CNNM3: variants seen among roughly 807,000 people sequenced by gnomAD.
The protein encoded by CNNM3 is cyclin and CBS domain divalent metal cation transport mediator 3.
In CNNM3, 47 loss-of-function variants were observed where a neutral mutation model predicts 57.1. The ratio of observed to expected loss-of-function variants is 0.82; its 90% CI spans 0.65 to 1.05. CNNM3 has a LOEUF of 1.05. CNNM3 is among the 50% of genes least tolerant of loss of function. CNNM3 has a pLI of 0.00. For missense variants in CNNM3, 957 were observed against 973.7 expected (o/e 0.98, Z 0.23); for synonymous variants, 507 against 478.2 (o/e 1.06, Z -0.79).
At chr2:96,819,588 A>G (rs1181557373) in intron 1 of CNNM3, among the ~76,000 whole-genome samples, 2 of 152,142 alleles carry the variant, frequency 1.3e-5, no homozygotes, top group Admixed American at 1.3e-4. Context: ...TCTTCTAGGC[A>G]GGTCACCAGA....
In CNNM3 at chr2:96,817,010, G is replaced by GGGCGCTGGACGCT; in HGVS notation, c.742_754dup (p.Ala252AspfsTer177). The GGGCGCTGGACGCT allele has an allele frequency of 7.3e-7, 1 of 1,373,340 alleles. No homozygotes were observed. The allele number at this position is 1,373,340 out of a possible 1,614,324, so 85.1% of individuals were successfully genotyped here. A position where few individuals can be genotyped will look rare whatever the true frequency, so the allele number is the denominator to read the frequency against. On this transcript the variant is annotated frameshift_variant, in exon 1 of 8. Coordinates refer to ENST00000305510, the MANE Select transcript of CNNM3 (RefSeq NM_017623.5). LOFTEE classifies it high-confidence loss of function. Reference sequence around the variant, plus strand: ...AGAGGTGGTGCCGGCCGCCGTGAGCGGGCGCTGGACGCTGGCGCTGGCGCC... The same window carrying GGGCGCTGGACGCT: ...AGAGGTGGTGCCGGCCGCCGTGAGCGGGCGCTGGACGCTGGCGCTGGACGCTGGCGCTGGCGCC...
chr2:96,828,283 C>G, intron 5 of CNNM3, 88 bp downstream of exon 5: 1 of 1,086,126 alleles, frequency 9.2e-7, no homozygotes, highest in Non-Finnish European at 1.4e-6. Context: ...AGTGCCCCTC[C>G]TCACCTCTCC....
At chr2:96,837,139 C>G (rs567017643), downstream of CNNM3, 1 of 152,332 alleles carries the variant, frequency 6.6e-6, no homozygotes, top group South Asian at 2.1e-4. Flanking sequence ...ATCTTGAAAT[C>G]AGCTGGACTG....
intron 2 of CNNM3, 91 bp from the exon 3 acceptor site, chr2:96,826,742 G>C (rs2276654): frequency 2.5e-5 from 37 of 1,497,892 alleles, no homozygotes; most frequent in Middle Eastern, 2.4e-4. Context: ...CCTGGCCTCA[G>C]GAGGAAGGAG....
rs2079332708 is a variant in CNNM3 at position 96,817,081 on chromosome 2, C to T, written c.804C>T (p.Pro268=). The T allele has an allele frequency of 9.6e-6, 13 of 1,347,664 alleles. No homozygotes were observed. Among genetic ancestry groups the T allele is most frequent in the African/African-American group, 1.5e-5 (1 of 64,690 alleles). 83.5% of individuals were successfully genotyped at this position (1,347,664 alleles called of 1,614,324 possible). The change falls in exon 1 of 8, where the codon CCC becomes CCT. Residue 268 remains proline (P), a synonymous_variant. Coordinates refer to ENST00000305510, the MANE Select transcript of CNNM3 (RefSeq NM_017623.5). ...GCCTGGCCGTCCTGCTCACTCTGCC[C>T]GTCGCGCTGCCCGTGGGGCAGCTGC... is the stretch of plus-strand genomic sequence containing the variant. ...LSRLAVLLTL[P]VALPVGQLLE... is the part of the protein sequence containing the mutation.
intron 1 of CNNM3, among the ~76,000 whole-genome samples, chr2:96,819,976 C>A (rs1235565817): frequency 6.6e-6 from 1 of 152,126 alleles, no homozygotes; most frequent in Non-Finnish European, 1.5e-5. Flanking sequence ...TGTTCATGTT[C>A]GTTGGGAAGG....
In CNNM3 at chr2:96,825,020, G is replaced by A. The variant is rs200913026; in HGVS notation, c.1226-38G>A. 1.9e-6 allele frequency: 3 copies of A among 1,609,452 alleles called. No homozygotes were observed. The African/African-American group carries it at 4.0e-5, about 21-fold the overall frequency. On this transcript the variant is annotated intron_variant, in intron 1 of 7. Transcript: ENST00000305510. The stretch of plus-strand genomic sequence containing the variant: ...GGGGAGATGAATCAAACTGGGGGGG[G>A]CCCAGCAAGCTGTTCCATGAGTGTC...
rs1220636145 is a variant in CNNM3, at chr2:96,835,142, T to G, written c.*2526T>G. 1.3e-5 allele frequency among the ~76,000 whole-genome samples: 2 copies of G among 152,204 alleles called. No homozygotes were observed. The highest frequency in any genetic ancestry group is 4.8e-5 in the African/African-American group (2 of 41,458). On this transcript the variant is annotated 3_prime_UTR_variant, in exon 8 of 8. Transcript: ENST00000305510. ...TGGTAACCACTAATCGTTCATCTCT[T>G]CTTATTTTGTCATTTCAAGAATGTT... is the stretch of plus-strand genomic sequence containing the variant.
intron 7 of CNNM3, 31 bp from the exon 8 acceptor site, chr2:96,832,521 A>T (rs776305048): frequency 4.3e-6 from 7 of 1,613,688 alleles, no homozygotes. Context: ...ACCAGCTTTG[A>T]TGTTAATTCT....
At chr2:96,831,073 C>G (rs538810904) in intron 7 of CNNM3, among the ~76,000 whole-genome samples, 1 of 152,170 alleles carries the variant, frequency 6.6e-6, no homozygotes, top group African/African-American at 2.4e-5. Flanking sequence ...ACTGCACACC[C>G]GGAGATTTTT....
At position 96,817,750 on chromosome 2, in the gene CNNM3, GCC is replaced by G. The variant is rs11308098; in HGVS notation, c.1225+259_1225+260del. ...ACACTTTAACCCCCGCGTCAGGATA[GCC>G]CCCCCCCCCCATTTGCAGGGAGGGG... On this transcript the variant is annotated intron_variant, in intron 1 of 7. Coordinates refer to ENST00000305510, the MANE Select transcript of CNNM3 (RefSeq NM_017623.5). 4.0e-3 allele frequency among the ~76,000 whole-genome samples: 561 copies of G among 139,990 alleles called. 7 individuals carry two copies. Among genetic ancestry groups the G allele is most frequent in the African/African-American group, 0.013 (506 of 38,750 alleles). The allele number at this position is 139,990 out of a possible 152,430, so 91.8% of individuals were successfully genotyped here.
At chr2:96,828,522 A>G in intron 5 of CNNM3, 45 bp from the exon 6 acceptor site, 3 of 1,612,406 alleles carry the variant, frequency 1.9e-6, no homozygotes, top group Non-Finnish European at 2.5e-6. Flanking sequence ...GGAGGCTCCC[A>G]GCTGCCAGCA....
downstream of CNNM3, among the ~76,000 whole-genome samples, chr2:96,836,076 C>T (rs1417703286): frequency 8.3e-6 from 1 of 121,150 alleles, no homozygotes; most frequent in Admixed American, 7.7e-5. Flanking sequence ...TTTCACCCCT[C>T]CCCCTCCCCC....
At chr2:96,817,850 CA>C (rs2079348485) in intron 1 of CNNM3, among the ~76,000 whole-genome samples, 1 of 151,986 alleles carries the variant, frequency 6.6e-6, no homozygotes, top group Non-Finnish European at 1.5e-5. Context: ...GACTTTGTAG[CA>C]GGTCCAAATT....
At chr2:96,823,690 A>G (rs1004661797) in intron 1 of CNNM3, among the ~76,000 whole-genome samples, 1 of 152,198 alleles carries the variant, frequency 6.6e-6, no homozygotes, top group Non-Finnish European at 1.5e-5. Context: ...CAACAACACA[A>G]ACTTGACTGT....
intron 7 of CNNM3, among the ~76,000 whole-genome samples, chr2:96,829,651 C>T (rs2079569335): frequency 6.6e-6 from 1 of 151,222 alleles, no homozygotes; most frequent in South Asian, 2.1e-4. Context: ...GAACTTCTTG[C>T]TGTCTTTAAT....
At position 96,816,506 on chromosome 2, in the gene CNNM3, T is replaced by C; in HGVS notation, c.229T>C (p.Ser77Pro). The change falls in exon 1 of 8, where the codon TCC becomes CCC. Residue 77 changes from serine (S) to proline (P), a missense_variant. Coordinates refer to ENST00000305510, the MANE Select transcript of CNNM3 (RefSeq NM_017623.5). The stretch of plus-strand genomic sequence containing the variant: ...CCCGGGCTTCGCCAACAGCTCTTGG[T>C]CCTGGGTGGCCCCGGAGGGGGCGGG... ...FGPGFANSSW[S>P]WVAPEGAGCR... The C allele has an allele frequency of 2.1e-6, 3 of 1,424,492 alleles. No individual in the cohort carries two copies. Among genetic ancestry groups the C allele is most frequent in the Non-Finnish European group, 2.8e-6 (3 of 1,086,842 alleles). 88.2% of individuals were successfully genotyped at this position (1,424,492 alleles called of 1,614,324 possible). A position where few individuals can be genotyped will look rare whatever the true frequency, so the allele number is the denominator to read the frequency against.
At chr2:96,829,194 A>G (rs1049701226) in intron 7 of CNNM3, 60 bp downstream of exon 7, 9 of 1,586,086 alleles carry the variant, frequency 5.7e-6, no homozygotes, top group Non-Finnish European at 6.9e-6. Context: ...GAGCTCACAC[A>G]CACAGACTTG....
At position 96,834,286 on chromosome 2, in the gene CNNM3, TG is replaced by T. The variant is rs2079653400; in HGVS notation, c.*1671del. The stretch of plus-strand genomic sequence containing the variant: ...TACGTGGACCTGCCACCAGAGCTTG[TG>T]ATTTAATCAGAGTCGGCATCAGAGT... On this transcript the variant is annotated 3_prime_UTR_variant, in exon 8 of 8. Transcript: ENST00000305510. Among the ~76,000 whole-genome samples the T allele has an allele frequency of 6.6e-6, 1 of 152,012 alleles. No individual in the cohort carries two copies. Among genetic ancestry groups the T allele is most frequent in the Non-Finnish European group, 1.5e-5 (1 of 68,024 alleles).
Sources: allele counts gnomAD v4.1 joint callset (sites outside exome capture counted in the v4.1 genomes callset), GRCh38; gene constraint gnomAD v4.1.1; transcripts MANE v1.5; gene names NCBI Gene and HGNC (gene_info 2026-07-23, HGNC 2026-07-21).